Variants in SYT16 observed in about 807,000 individuals in gnomAD.
SYT16 encodes synaptotagmin 16.
In SYT16, 42 loss-of-function variants were observed where a neutral mutation model predicts 61.4. The ratio of observed to expected loss-of-function variants is 0.68; its 90% CI spans 0.53 to 0.89. The LOEUF is 0.89. Among genes scored for constraint, SYT16 ranks in the 40% least tolerant of loss-of-function variants. The probability of loss-of-function intolerance (pLI) is 0.00; values close to 1 mark genes in which losing one functional copy is unlikely to be tolerated. For synonymous variants in SYT16, 314 were observed against 302.3 expected (o/e 1.04, Z -0.40); for missense variants, 804 against 807.3 (o/e 1.00, Z 0.05).
chr14:61,889,432 G>A (rs1354449184), intron 1 of SYT16, among the ~76,000 whole-genome samples: 1 of 152,126 alleles, frequency 6.6e-6, no homozygotes, highest in African/African-American at 2.4e-5. Context: ...TTGGAGGTGG[G>A]GCTGTAATGG....
chr14:61,982,351 C>G (rs187704699), intron 2 of SYT16, among the ~76,000 whole-genome samples: 3 of 152,092 alleles, frequency 2.0e-5, no homozygotes, highest in African/African-American at 7.2e-5. Flanking sequence ...TTAATGGACT[C>G]AGAGTTCCAT....
At chr14:62,079,265 C>A in intron 5 of SYT16, 2 of 727,072 alleles carry the variant, frequency 2.8e-6, no homozygotes, top group Non-Finnish European at 3.7e-6. Context: ...GAAACACTCA[C>A]GCATGATTGC....
At chr14:61,842,921 A>T (rs796406094) in intron 1 of SYT16, among the ~76,000 whole-genome samples, 3 of 152,152 alleles carry the variant, frequency 2.0e-5, no homozygotes, top group Admixed American at 6.5e-5. Flanking sequence ...AACTTAAAGT[A>T]TAATAATAAT....
chr14:61,873,591 T>G (rs924105030), intron 1 of SYT16, among the ~76,000 whole-genome samples: 1 of 152,248 alleles, frequency 6.6e-6, no homozygotes, highest in Admixed American at 6.5e-5. Context: ...TTGATGCATT[T>G]TTAAAAAATC....
At chr14:61,941,709 A>G (rs1036890144) in intron 1 of SYT16, among the ~76,000 whole-genome samples, 1 of 152,032 alleles carries the variant, frequency 6.6e-6, no homozygotes, top group African/African-American at 2.4e-5. Context: ...TACTTCCTCC[A>G]CAGTCCCCAT....
intron 1 of SYT16, among the ~76,000 whole-genome samples, chr14:61,954,758 A>G (rs2050805563): frequency 6.6e-6 from 1 of 152,144 alleles, no homozygotes. Flanking sequence ...GCTTACACTG[A>G]TAGAGCTGTT....
rs1396470680 is a variant in SYT16 at position 62,101,315 on chromosome 14, G to T, written c.*608G>T. The T allele has an allele frequency of 1.3e-5, 2 of 151,842 alleles. No homozygotes were observed. The highest frequency in any genetic ancestry group is 1.3e-4 in the Admixed American group (2 of 15,242). The allele number at this position is 151,842 out of a possible 1,614,324, so 9.4% of individuals were successfully genotyped here. A position where few individuals can be genotyped will look rare whatever the true frequency, so the allele number is the denominator to read the frequency against. ...AAATACCTCTTTTATCTTATATTTTGTGGTTTCTATGAGATTTGGTTAGAT... is the reference window on the plus strand; with the variant it reads ...AAATACCTCTTTTATCTTATATTTTTTGGTTTCTATGAGATTTGGTTAGAT... On this transcript the variant is annotated 3_prime_UTR_variant, in exon 8 of 8. Coordinates refer to ENST00000683842, the MANE Select transcript of SYT16 (RefSeq NM_001367656.1).
At chr14:62,047,936 CTT>C in intron 3 of SYT16, among the ~76,000 whole-genome samples, 1 of 152,020 alleles carries the variant, frequency 6.6e-6, no homozygotes, top group African/African-American at 2.4e-5. Context: ...CTAAAATTCT[CTT>C]TTTTTTGTTG....
chr14:62,059,044 G>A (rs2055697650), intron 3 of SYT16, among the ~76,000 whole-genome samples: 1 of 152,076 alleles, frequency 6.6e-6, no homozygotes, highest in Admixed American at 6.5e-5. Context: ...CACATAGAGG[G>A]GAACAACAGA....
At chr14:62,020,070 A>C (rs1243571762) in intron 3 of SYT16, among the ~76,000 whole-genome samples, 2 of 152,190 alleles carry the variant, frequency 1.3e-5, no homozygotes, top group Admixed American at 1.3e-4. Flanking sequence ...ATTTGATTTT[A>C]TCTGGGTCAC....
intron 1 of SYT16, among the ~76,000 whole-genome samples, chr14:61,852,785 C>T (rs2140273888): frequency 6.6e-6 from 1 of 152,188 alleles, no homozygotes. Flanking sequence ...TGAGACTTTG[C>T]TGGGAAAGAT....
chr14:61,886,457 C>T (rs1390445756), intron 1 of SYT16, among the ~76,000 whole-genome samples: 2 of 152,180 alleles, frequency 1.3e-5, no homozygotes, highest in African/African-American at 2.4e-5. Context: ...TTGTATTATT[C>T]TAAATCGTTT....
intron 1 of SYT16, among the ~76,000 whole-genome samples, chr14:61,955,459 G>C (rs1319178122): frequency 6.6e-6 from 1 of 151,896 alleles, no homozygotes; most frequent in South Asian, 2.1e-4. Context: ...TTCTGCTCCA[G>C]CCGCTGGCAA....
At chr14:62,063,589 C>T (rs1439372898) in intron 3 of SYT16, among the ~76,000 whole-genome samples, 1 of 152,118 alleles carries the variant, frequency 6.6e-6, no homozygotes, top group Admixed American at 6.5e-5. Flanking sequence ...CACTCTTAAC[C>T]ACTCTAGCCG....
At chr14:61,975,830 T>G (rs2051767539) in intron 2 of SYT16, among the ~76,000 whole-genome samples, 1 of 152,166 alleles carries the variant, frequency 6.6e-6, no homozygotes, top group Non-Finnish European at 1.5e-5. Context: ...AAATCTCATG[T>G]CTCTTTCGCA....
At chr14:62,036,073 A>T in intron 3 of SYT16, among the ~76,000 whole-genome samples, 1 of 152,128 alleles carries the variant, frequency 6.6e-6, no homozygotes, top group East Asian at 1.9e-4. Flanking sequence ...AGAGCTTCAG[A>T]TTATTTTGGT....
chr14:62,047,235 C>A (rs370448494), intron 3 of SYT16, among the ~76,000 whole-genome samples: 1 of 152,102 alleles, frequency 6.6e-6, no homozygotes, highest in African/African-American at 2.4e-5. Flanking sequence ...TCTTTGAAGC[C>A]ATTGTGAATG....
At chr14:61,851,478 A>G (rs2046618942) in intron 1 of SYT16, among the ~76,000 whole-genome samples, 3 of 152,026 alleles carry the variant, frequency 2.0e-5, no homozygotes. Flanking sequence ...TCTTTGAGGA[A>G]TCACCACACT....
intron 3 of SYT16, among the ~76,000 whole-genome samples, chr14:62,005,835 A>G (rs911938361): frequency 2.0e-5 from 3 of 152,168 alleles, no homozygotes; most frequent in Non-Finnish European, 2.9e-5. Flanking sequence ...GCAGAAGCCT[A>G]TATCACTTGT....
Sources: gnomAD v4.1 joint callset for allele counts (sites outside exome capture counted in the v4.1 genomes callset) on GRCh38, gnomAD v4.1.1 for gene constraint, MANE v1.5 for transcripts, NCBI Gene and HGNC (gene_info 2026-07-23, HGNC 2026-07-21) for gene names.